Variants in CST9L observed in about 807,000 individuals in gnomAD.
CST9L encodes cystatin 9 like, also known as cystatin-9-like.
Under a neutral mutation model 13.2 loss-of-function variants are expected in CST9L, and 17 were observed. The ratio of observed to expected loss-of-function variants is 1.29; its 90% CI spans 0.88 to 1.93. The LOEUF is 1.93. Ranked by LOEUF, CST9L falls within the 30% of genes most tolerant of loss-of-function variation. The pLI is 0.00. For missense variants in CST9L, 170 were observed against 170.5 expected (o/e 1.00, Z 0.02); for synonymous variants, 78 against 69.1 (o/e 1.13, Z -0.64).
At chr20:23,567,202 T>C (rs1989109747) in intron 1 of CST9L, among the ~76,000 whole-genome samples, 1 of 152,096 alleles carries the variant, frequency 6.6e-6, no homozygotes, top group African/African-American at 2.4e-5. Context: ...TTTTTGCCTC[T>C]CTACCCAACT....
intron 1 of CST9L, among the ~76,000 whole-genome samples, chr20:23,567,807 T>C (rs1989120142): frequency 6.6e-6 from 1 of 152,178 alleles, no homozygotes; most frequent in Non-Finnish European, 1.5e-5. Flanking sequence ...TTCTCTTTTT[T>C]AATTTTCATT....
At chr20:23,566,751 G>A (rs1465014047) in intron 1 of CST9L, among the ~76,000 whole-genome samples, 1 of 152,102 alleles carries the variant, frequency 6.6e-6, no homozygotes, top group Non-Finnish European at 1.5e-5. Context: ...GGGCATGGTG[G>A]CAGGTGCTTG....
intron 1 of CST9L, 131 bp downstream of exon 1, chr20:23,568,080 T>C (rs1989123102): frequency 1.2e-6 from 1 of 848,780 alleles, no homozygotes; most frequent in South Asian, 1.8e-5. Context: ...AACTACCTTG[T>C]ATTTTCTTAA....
intron 1 of CST9L, among the ~76,000 whole-genome samples, chr20:23,567,507 CAAAA>C (rs11470332): frequency 8.1e-5 from 9 of 110,634 alleles, no homozygotes; most frequent in Admixed American, 9.7e-5. Context: ...GATTCCATCT[CAAAA>C]AAAAAAAAAA....
chr20:23,565,555 G>T (rs539097062), intron 2 of CST9L, among the ~76,000 whole-genome samples: 62 of 152,234 alleles, frequency 4.1e-4, no homozygotes, highest in African/African-American at 1.4e-3. Context: ...CCACTTTTGG[G>T]TCTAGGGGAG....
chr20:23,565,719 T>C (rs76502677), intron 2 of CST9L, among the ~76,000 whole-genome samples: 4,023 of 152,276 alleles, frequency 0.026, 88 homozygotes, highest in African/African-American at 0.056. Context: ...CTGAAGGCCA[T>C]GTGCCCTGGG....
At chr20:23,566,994 C>T (rs567863081) in intron 1 of CST9L, among the ~76,000 whole-genome samples, 29 of 152,160 alleles carry the variant, frequency 1.9e-4, no homozygotes, top group Non-Finnish European at 3.8e-4. Flanking sequence ...TCTCCCTATC[C>T]GTCCATTTCC....
chr20:23,566,756 T>G (rs1600331536), intron 1 of CST9L, among the ~76,000 whole-genome samples: 1 of 151,980 alleles, frequency 6.6e-6, no homozygotes, highest in Admixed American at 6.5e-5. Flanking sequence ...TGGTGGCAGG[T>G]GCTTGTAATC....
chr20:23,565,282 G>A (rs1989075903), intron 2 of CST9L, among the ~76,000 whole-genome samples: 1 of 152,194 alleles, frequency 6.6e-6, no homozygotes, highest in African/African-American at 2.4e-5. Context: ...CTCCCTAGCA[G>A]TGGCCCTCAG....
intron 1 of CST9L, 38 bp from the exon 2 acceptor site, chr20:23,566,125 C>T (rs2122339317): frequency 8.9e-7 from 1 of 1,125,676 alleles, no homozygotes; most frequent in Non-Finnish European, 1.4e-6. Flanking sequence ...ACACACCCTC[C>T]TTGTTGCCCC....
chr20:23,565,476 C>CT (rs1183353700), intron 2 of CST9L, among the ~76,000 whole-genome samples: 1 of 152,160 alleles, frequency 6.6e-6, no homozygotes, highest in Non-Finnish European at 1.5e-5. Flanking sequence ...AGCTTGTCCC[C>CT]TAGAGCAGGT....
Position 23,564,922 on chromosome 20 carries a change from T to G in CST9L, c.*26A>C, listed in dbSNP as rs1054613. The G allele has an allele frequency of 0.011, 16,273 of 1,534,002 alleles. 143 individuals carry two copies. The highest frequency in any genetic ancestry group is 0.012 in the Non-Finnish European group (12,889 of 1,107,030). Reference sequence around the variant, plus strand: ...GTCCACGGAATGTGGGAGCAGCACATGGACAAGCCTGTGAGTGGGTTTCAC... The same window carrying G: ...GTCCACGGAATGTGGGAGCAGCACAGGGACAAGCCTGTGAGTGGGTTTCAC... On this transcript the variant is annotated 3_prime_UTR_variant, in exon 3 of 3. Transcript: ENST00000376979.
Position 23,564,737 on chromosome 20 carries a change from T to C in CST9L, c.*211A>G, listed in dbSNP as rs1192725450. ...GAGAACTACAGCACACAAAGTTTCTTAAAATGCTGATGTTTAATGATCTAC... is the reference window on the plus strand; with the variant it reads ...GAGAACTACAGCACACAAAGTTTCTCAAAATGCTGATGTTTAATGATCTAC... On this transcript the variant is annotated 3_prime_UTR_variant, in exon 3 of 3. Coordinates refer to ENST00000376979, the MANE Select transcript of CST9L (RefSeq NM_080610.3). 2 of 518,542 alleles carry C rather than the reference T, an allele frequency of 3.9e-6. No homozygotes were observed. The highest frequency in any genetic ancestry group is 6.3e-5 in the East Asian group (2 of 31,910). The allele number at this position is 518,542 out of a possible 1,614,324, so 32.1% of individuals were successfully genotyped here. A position where few individuals can be genotyped will look rare whatever the true frequency, so the allele number is the denominator to read the frequency against.
At chr20:23,567,703 G>T (rs971789109) in intron 1 of CST9L, among the ~76,000 whole-genome samples, 1 of 152,118 alleles carries the variant, frequency 6.6e-6, no homozygotes, top group Non-Finnish European at 1.5e-5. Flanking sequence ...ACACCAAGGA[G>T]CTCAGAGAAG....
Position 23,566,515 on chromosome 20 carries a change from G to GA in CST9L, c.241-429dup, listed in dbSNP as rs11357173. Among the ~76,000 whole-genome samples the GA allele has an allele frequency of 3.7e-4, 55 of 149,092 alleles. 1 individual carries two copies. Among genetic ancestry groups the GA allele is most frequent in the East Asian group, 1.6e-3 (8 of 5,100 alleles). ...TGTCAAACCTTCCACCTGACCTGAG[G>GA]AAAAAAAAAATGCAAGAATGCCACC... is the stretch of plus-strand genomic sequence containing the variant. On this transcript the variant is annotated intron_variant, in intron 1 of 2. Transcript: ENST00000376979.
At chr20:23,567,256 T>A (rs966078729) in intron 1 of CST9L, among the ~76,000 whole-genome samples, 1 of 152,016 alleles carries the variant, frequency 6.6e-6, no homozygotes, top group Non-Finnish European at 1.5e-5. Flanking sequence ...ATGCCTGTAA[T>A]CCCAGCACTT....
At position 23,568,373 on chromosome 20, in the gene CST9L, G is replaced by A; in HGVS notation, c.78C>T (p.Ile26=). ...LLLLGSQILL[I]YAWHFHEQRD... is the part of the protein sequence containing the mutation. ...TTTGCTCGTGGAAATGCCAGGCATA[G>A]ATCAGCAGGATCTGGGAGCCTAAGA... Residue 26 remains isoleucine (I), a synonymous_variant, in exon 1 of 3, where the codon ATC becomes ATT. Transcript: ENST00000376979. The A allele has an allele frequency of 6.2e-7, 1 of 1,614,200 alleles. No individual in the cohort carries two copies. Among genetic ancestry groups the A allele is most frequent in the Non-Finnish European group, 8.5e-7 (1 of 1,180,018 alleles).
Position 23,564,835 on chromosome 20 carries a change from G to T in CST9L, c.*113C>A, listed in dbSNP as rs900084482. 3.9e-6 allele frequency: 3 copies of T among 763,386 alleles called. No individual in the cohort carries two copies. The Admixed American group carries it at 5.6e-5, about 14-fold the overall frequency. 47.3% of individuals were successfully genotyped at this position (763,386 alleles called of 1,614,324 possible). A position where few individuals can be genotyped will look rare whatever the true frequency, so the allele number is the denominator to read the frequency against. Reference sequence around the variant, plus strand: ...TGAGATCTCAAACACATGCAAAATAGGATAACAAACAAGTCCAAAGCTGCT... The same window carrying T: ...TGAGATCTCAAACACATGCAAAATATGATAACAAACAAGTCCAAAGCTGCT... On this transcript the variant is annotated 3_prime_UTR_variant, in exon 3 of 3. Transcript: ENST00000376979.
rs1249499314 is a variant in CST9L, at chr20:23,568,356, T to C, written c.95A>G (p.His32Arg). ...QILLIYAWHF[H>R]EQRDCDEHNV... ...GTGTTCATCACAGTCCCTTTGCTCGTGGAAATGCCAGGCATAGATCAGCAG... is the reference window on the plus strand; with the variant it reads ...GTGTTCATCACAGTCCCTTTGCTCGCGGAAATGCCAGGCATAGATCAGCAG... The change falls in exon 1 of 3, where the codon CAC becomes CGC. Residue 32 changes from histidine to arginine, a missense_variant. By Grantham distance (29) the His-to-Arg change is conservative. Coordinates refer to ENST00000376979, the MANE Select transcript of CST9L (RefSeq NM_080610.3). The C allele has an allele frequency of 6.2e-7, 1 of 1,614,178 alleles. No homozygotes were observed. The highest frequency in any genetic ancestry group is 1.3e-5 in the African/African-American group (1 of 75,030).
Sources: gnomAD v4.1 joint callset for allele counts (sites outside exome capture counted in the v4.1 genomes callset) on GRCh38, gnomAD v4.1.1 for gene constraint, MANE v1.5 for transcripts, NCBI Gene and HGNC (gene_info 2026-07-23, HGNC 2026-07-21) for gene names.